DPYD: variants seen among roughly 807,000 people sequenced by gnomAD.
DPYD encodes the protein dihydropyrimidine dehydrogenase [NADP(+)].
A neutral mutation model predicts 116.2 loss-of-function variants in DPYD; 109 were observed. The observed-to-expected ratio is 0.94, with a 90% CI of 0.80 to 1.10. DPYD has a LOEUF of 1.10. DPYD is among the 50% of genes least tolerant of loss of function. DPYD has a pLI of 0.00. For missense variants in DPYD, 1,302 were observed against 1,254.5 expected (o/e 1.04, Z -0.57); for synonymous variants, 440 against 432.0 (o/e 1.02, Z -0.23).
chr1:97,193,095 G>C lies in DPYD; in HGVS notation c.2596C>G (p.Pro866Ala), dbSNP rs768157853. 6.2e-7 allele frequency: 1 copy of C among 1,614,034 alleles called. No homozygotes were observed. Among genetic ancestry groups the C allele is most frequent in the Non-Finnish European group, 8.5e-7 (1 of 1,179,936 alleles). ...TVSHQKGKPV[P>A]RIAELMDKKL... ...TTGTCCATGAGTTCAGCTATACGTG[G>C]AACTGGTTTCCCTTTCTGGTGACTC... The change falls in exon 20 of 23, where the codon CCA (proline) becomes GCA (alanine). Residue 866 changes from proline (P) to alanine (A), a missense_variant. Physicochemically the swap from Pro to Ala is conservative, Grantham distance 27. Transcript: ENST00000370192.
intron 18 of DPYD, among the ~76,000 whole-genome samples, chr1:97,246,831 C>T (rs1242687156): frequency 6.6e-6 from 1 of 151,948 alleles, no homozygotes; most frequent in Non-Finnish European, 1.5e-5. Flanking sequence ...AAGTTCAAAG[C>T]TATTTATTGT....
chr1:97,151,227 T>C (rs1372238101), intron 20 of DPYD, among the ~76,000 whole-genome samples: 1 of 152,226 alleles, frequency 6.6e-6, no homozygotes, highest in Non-Finnish European at 1.5e-5. Context: ...CTTACTGTAT[T>C]TGAGAACATA....
intron 20 of DPYD, among the ~76,000 whole-genome samples, chr1:97,190,066 T>C (rs1208312702): frequency 6.6e-6 from 1 of 152,178 alleles, no homozygotes; most frequent in Non-Finnish European, 1.5e-5. Flanking sequence ...CTTGCCCAAG[T>C]TGTCTAGCTA....
chr1:97,178,246 C>T (rs1280910732), intron 20 of DPYD, among the ~76,000 whole-genome samples: 3 of 152,118 alleles, frequency 2.0e-5, no homozygotes, highest in Non-Finnish European at 4.4e-5. Flanking sequence ...TAGCTACTTG[C>T]AGATGGGAAG....
intron 3 of DPYD, among the ~76,000 whole-genome samples, chr1:97,751,723 C>CAT (rs1664937765): frequency 6.6e-6 from 1 of 151,336 alleles, no homozygotes; most frequent in South Asian, 2.1e-4. Flanking sequence ...GAGCTATGAT[C>CAT]ATACCACTGC....
At chr1:97,912,821 T>G (rs1674021040) in intron 1 of DPYD, among the ~76,000 whole-genome samples, 1 of 152,108 alleles carries the variant, frequency 6.6e-6, no homozygotes, top group African/African-American at 2.4e-5. Flanking sequence ...TGGAGAAGTT[T>G]AAATTTTTAC....
intron 20 of DPYD, among the ~76,000 whole-genome samples, chr1:97,161,135 A>G (rs941597305): frequency 6.6e-6 from 1 of 152,176 alleles, no homozygotes; most frequent in Non-Finnish European, 1.5e-5. Flanking sequence ...TAGAAACAAC[A>G]GCAGATTAGC....
chr1:97,583,794 T>C lies in DPYD; in HGVS notation c.1128+9424A>G, dbSNP rs564814048. On this transcript the variant is annotated intron_variant, in intron 10 of 22. Transcript: ENST00000370192. ...TTTTAACAGTTTAAAATAAAATGTG[T>C]ACTTATTCCAGTCTATCATTGTTGG... Among the ~76,000 whole-genome samples, 4 of 152,294 alleles carry C rather than the reference T, an allele frequency of 2.6e-5. No individual in the cohort carries two copies. In the South Asian group the frequency reaches 8.3e-4, roughly 32 times the overall value.
chr1:97,729,724 C>T (rs1400331476), intron 4 of DPYD, among the ~76,000 whole-genome samples: 1 of 152,052 alleles, frequency 6.6e-6, no homozygotes, highest in Non-Finnish European at 1.5e-5. Flanking sequence ...TCTATTACTC[C>T]TATTTTCTGC....
intron 13 of DPYD, among the ~76,000 whole-genome samples, chr1:97,460,330 G>T (rs539218555): frequency 6.6e-6 from 1 of 152,116 alleles, no homozygotes; most frequent in African/African-American, 2.4e-5. Context: ...ATGATCCTTT[G>T]GGATTACAGA....
At chr1:97,716,985 T>C (rs1224930682) in intron 5 of DPYD, among the ~76,000 whole-genome samples, 1 of 152,036 alleles carries the variant, frequency 6.6e-6, no homozygotes, top group Non-Finnish European at 1.5e-5. Flanking sequence ...ATGGTGTACA[T>C]GTGATGTTTT....
At chr1:97,638,356 A>G (rs78508369) in intron 8 of DPYD, among the ~76,000 whole-genome samples, 2,651 of 152,230 alleles carry the variant, frequency 0.017, 42 homozygotes, top group Non-Finnish European at 0.026. Context: ...CTGACAGAAT[A>G]AGACACAGAT....
At chr1:97,237,563 C>T (rs1570733989) in intron 18 of DPYD, among the ~76,000 whole-genome samples, 1 of 152,254 alleles carries the variant, frequency 6.6e-6, no homozygotes, top group Middle Eastern at 3.4e-3. Context: ...TGATTCCTCA[C>T]AGTTTTTATG....
At chr1:97,397,899 T>G (rs1673104141) in intron 14 of DPYD, among the ~76,000 whole-genome samples, 3 of 152,044 alleles carry the variant, frequency 2.0e-5, no homozygotes, top group South Asian at 4.1e-4. Flanking sequence ...TGTTGGATCC[T>G]ATGGTAAGAG....
intron 16 of DPYD, among the ~76,000 whole-genome samples, chr1:97,337,476 C>A (rs932573926): frequency 4.6e-5 from 7 of 152,126 alleles, no homozygotes; most frequent in Non-Finnish European, 1.0e-4. Flanking sequence ...CCACCACATG[C>A]TGGCTCACCT....
intron 18 of DPYD, among the ~76,000 whole-genome samples, chr1:97,281,415 TATA>T (rs2100935129): frequency 6.6e-6 from 1 of 151,892 alleles, no homozygotes; most frequent in South Asian, 2.1e-4. Context: ...TATATAAATA[TATA>T]TATGGATGTG....
rs184770113 is a variant in DPYD, at chr1:97,848,054, A to G, written c.151-19858T>C. Among the ~76,000 whole-genome samples, 36 of 152,258 alleles carry G rather than the reference A, an allele frequency of 2.4e-4. No individual in the cohort carries two copies. In the East Asian group the frequency reaches 6.8e-3, roughly 29 times the overall value. On this transcript the variant is annotated intron_variant, in intron 2 of 22. Coordinates refer to ENST00000370192, the MANE Select transcript of DPYD (RefSeq NM_000110.4). ...AGCATTTAAAATATTAAAATATTCA[A>G]TGTTAATGAAAATTGTTATACCCCT...
At chr1:97,510,608 T>C (rs1647715838) in intron 13 of DPYD, among the ~76,000 whole-genome samples, 1 of 151,976 alleles carries the variant, frequency 6.6e-6, no homozygotes, top group Admixed American at 6.6e-5. Flanking sequence ...ATTGCTCTAA[T>C]CAGAGGGCAA....
intron 2 of DPYD, among the ~76,000 whole-genome samples, chr1:97,842,435 C>A (rs954310133): frequency 1.9e-4 from 29 of 151,896 alleles, no homozygotes; most frequent in African/African-American, 7.0e-4. Flanking sequence ...AGGTGGCATT[C>A]AAGTTGATTT....
Sources: allele counts gnomAD v4.1 joint callset (sites outside exome capture counted in the v4.1 genomes callset), GRCh38; gene constraint gnomAD v4.1.1; transcripts MANE v1.5; gene names NCBI Gene and HGNC (gene_info 2026-07-23, HGNC 2026-07-21).